LPP: variants seen among roughly 807,000 people sequenced by gnomAD.
The protein encoded by LPP is LIM domain containing preferred translocation partner in lipoma.
A neutral mutation model predicts 60.4 loss-of-function variants in LPP; 38 were observed. The observed-to-expected ratio is 0.63, with a 90% CI of 0.49 to 0.83. LPP has a LOEUF of 0.83. LPP is among the 40% of genes least tolerant of loss of function. LPP has a pLI of 0.00. For missense variants in LPP, 902 were observed against 783.6 expected, an observed-to-expected ratio of 1.15 and a Z score of -1.80; for synonymous variants, 328 against 290.8, an observed-to-expected ratio of 1.13 and a Z score of -1.30.
chr3:188,655,696 T>A (rs1580729681), intron 7 of LPP, among the ~76,000 whole-genome samples: 1 of 152,110 alleles, frequency 6.6e-6, no homozygotes, highest in East Asian at 1.9e-4. Context: ...GTTCAATGAG[T>A]TCTTCTCCAA....
At chr3:188,617,411 A>G (rs1264532090) in intron 7 of LPP, among the ~76,000 whole-genome samples, 1 of 152,160 alleles carries the variant, frequency 6.6e-6, no homozygotes, top group Non-Finnish European at 1.5e-5. Context: ...AGTGACCTTT[A>G]AAAGGTGTAA....
At chr3:188,263,279 G>A (rs1397789874) in intron 2 of LPP, among the ~76,000 whole-genome samples, 9 of 152,280 alleles carry the variant, frequency 5.9e-5, no homozygotes, top group South Asian at 4.1e-4. Context: ...AGAGGGTAGC[G>A]GGTGATGTTG....
At chr3:188,276,695 T>TCTCTCTCTCTCTC (rs1739908128) in intron 2 of LPP, among the ~76,000 whole-genome samples, 13 of 16,414 alleles carry the variant, frequency 7.9e-4, no homozygotes, top group African/African-American at 5.3e-3. Context: ...CTCTCTCTCT[T>TCTCTCTCTCTCTC]TCTCTCTCTC....
At chr3:188,307,286 G>A (rs1394839762) in intron 2 of LPP, among the ~76,000 whole-genome samples, 2 of 152,114 alleles carry the variant, frequency 1.3e-5, no homozygotes, top group Admixed American at 1.3e-4. Flanking sequence ...ACATACCAGT[G>A]GATCTCAGTC....
chr3:188,241,978 C>A (rs544512454), intron 2 of LPP, among the ~76,000 whole-genome samples: 9 of 152,266 alleles, frequency 5.9e-5, no homozygotes, highest in Admixed American at 5.2e-4. Context: ...TTTCATGATT[C>A]TGACGCTGTA....
chr3:188,661,703 T>C (rs1854609117), intron 7 of LPP, among the ~76,000 whole-genome samples: 1 of 152,208 alleles, frequency 6.6e-6, no homozygotes, highest in Non-Finnish European at 1.5e-5. Context: ...AACGTGTTGT[T>C]TGCAAATACT....
chr3:188,417,821 T>G (rs911821014), intron 4 of LPP, among the ~76,000 whole-genome samples: 1 of 152,234 alleles, frequency 6.6e-6, no homozygotes, highest in Non-Finnish European at 1.5e-5. Context: ...GGCAATTCTC[T>G]TTAAATCTCC....
Position 188,878,024 on chromosome 3 carries a change from A to C in LPP, c.*3545A>C, listed in dbSNP as rs1769451089. 4.6e-6 allele frequency: 1 copy of C among 217,704 alleles called. No homozygotes were observed. Among genetic ancestry groups the C allele is most frequent in the Admixed American group, 5.8e-5 (1 of 17,244 alleles). 13.5% of individuals were successfully genotyped at this position (217,704 alleles called of 1,614,324 possible). ...TAAAGGATATGAAACTCTACATTTA[A>C]ACAAGTATTTTATATTTGGGTACAG... On this transcript the variant is annotated 3_prime_UTR_variant, in exon 12 of 12. Coordinates refer to ENST00000617246, the MANE Select transcript of LPP (RefSeq NM_001375462.1).
Position 188,377,520 on chromosome 3 carries a change from C to T in LPP, c.-9-28592C>T, listed in dbSNP as rs566488343. Among the ~76,000 whole-genome samples the T allele has an allele frequency of 5.3e-5, 8 of 152,300 alleles. No individual in the cohort carries two copies. The East Asian group carries it at 9.6e-4, about 18-fold the overall frequency. ...CATCGGCTACTGAGGCTTCTGCATTCGTCACGTAGCTCTTGTGCCTTGGTT... is the reference window on the plus strand; with the variant it reads ...CATCGGCTACTGAGGCTTCTGCATTTGTCACGTAGCTCTTGTGCCTTGGTT... On this transcript the variant is annotated intron_variant, in intron 3 of 11. Transcript: ENST00000617246.
chr3:188,455,868 A>T (rs143136069), intron 4 of LPP, among the ~76,000 whole-genome samples: 1 of 152,200 alleles, frequency 6.6e-6, no homozygotes, highest in African/African-American at 2.4e-5. Flanking sequence ...TGGCTCATTC[A>T]TTCACTTGGC....
intron 7 of LPP, among the ~76,000 whole-genome samples, chr3:188,613,441 T>G (rs1267401326): frequency 6.6e-6 from 1 of 152,042 alleles, no homozygotes; most frequent in Admixed American, 6.6e-5. Context: ...CAGGCAACTT[T>G]AGCCTCCAAT....
rs1412778867 is a variant in LPP, at chr3:188,886,729, C to CACAT, written c.*12253_*12254insTACA. On this transcript the variant is annotated 3_prime_UTR_variant, in exon 12 of 12. Transcript: ENST00000617246. ...TTGTATTGTCTTCAAAACACACACA[C>CACAT]ACACACATACACACACACACACACA... is the stretch of plus-strand genomic sequence containing the variant. 5.1e-5 allele frequency: 7 copies of CACAT among 138,194 alleles called. No individual in the cohort carries two copies. Among genetic ancestry groups the CACAT allele is most frequent in the Admixed American group, 2.7e-4 (2 of 7,396 alleles). 8.6% of individuals were successfully genotyped at this position (138,194 alleles called of 1,614,324 possible).
At chr3:188,723,070 C>A (rs1336291332) in intron 8 of LPP, among the ~76,000 whole-genome samples, 1 of 152,138 alleles carries the variant, frequency 6.6e-6, no homozygotes, top group Non-Finnish European at 1.5e-5. Context: ...CCACAATGTT[C>A]TCGTTTGCTG....
chr3:188,374,540 A>G (rs1473235591), intron 3 of LPP, among the ~76,000 whole-genome samples: 3 of 152,138 alleles, frequency 2.0e-5, no homozygotes, highest in Non-Finnish European at 4.4e-5. Context: ...AATGCTTGTG[A>G]TTTTTGTACA....
chr3:188,677,272 C>A (rs949445586), intron 7 of LPP, among the ~76,000 whole-genome samples: 1 of 152,208 alleles, frequency 6.6e-6, no homozygotes, highest in Admixed American at 6.5e-5. Flanking sequence ...ATAGCTAATA[C>A]AATTATGTTA....
intron 5 of LPP, among the ~76,000 whole-genome samples, chr3:188,498,372 C>A (rs1443726593): frequency 6.6e-6 from 1 of 152,108 alleles, no homozygotes; most frequent in Non-Finnish European, 1.5e-5. Context: ...TCAGCCAGCC[C>A]CTGAAACCAC....
At chr3:188,289,750 T>C (rs1402830568) in intron 2 of LPP, among the ~76,000 whole-genome samples, 1 of 152,144 alleles carries the variant, frequency 6.6e-6, no homozygotes, top group Non-Finnish European at 1.5e-5. Flanking sequence ...ACCTGGATGT[T>C]TAGAGAGAAA....
intron 9 of LPP, among the ~76,000 whole-genome samples, chr3:188,809,652 T>C (rs1392206440): frequency 6.6e-6 from 1 of 152,178 alleles, no homozygotes; most frequent in Non-Finnish European, 1.5e-5. Context: ...CTGATGATAG[T>C]TTATTTTGCT....
intron 8 of LPP, chr3:188,711,859 A>C (rs1711633796): frequency 6.6e-6 from 1 of 152,198 alleles, no homozygotes; most frequent in South Asian, 2.1e-4. Context: ...AGAAATGGAA[A>C]AGTATTTATG....
Sources: gnomAD v4.1 joint callset for allele counts (sites outside exome capture counted in the v4.1 genomes callset) on GRCh38, gnomAD v4.1.1 for gene constraint, MANE v1.5 for transcripts, NCBI Gene and HGNC (gene_info 2026-07-23, HGNC 2026-07-21) for gene names.